CCSER1: variants seen among roughly 807,000 people sequenced by gnomAD.
CCSER1 encodes the protein serine-rich coiled-coil domain-containing protein 1.
Under a neutral mutation model 82.0 loss-of-function variants are expected in CCSER1, and 41 were observed. That is an observed-to-expected ratio of 0.50 (90% CI 0.39 to 0.65). The LOEUF (loss-of-function observed/expected upper bound fraction) is 0.65, where lower values mean the gene tolerates loss of function less well. Among genes scored for constraint, CCSER1 ranks in the 30% least tolerant of loss-of-function variants. The pLI is 0.00. For synonymous variants in CCSER1, 414 were observed against 383.9 expected (o/e 1.08, Z -0.92); for missense variants, 1,119 against 1,064.2 (o/e 1.05, Z -0.72).
intron 4 of CCSER1, among the ~76,000 whole-genome samples, chr4:90,458,259 G>C (rs10001531): frequency 0.019 from 2,940 of 152,038 alleles, 84 homozygotes; most frequent in African/African-American, 0.067. Flanking sequence ...GGAGTGCACC[G>C]CCCCAGCTAC....
intron 10 of CCSER1, among the ~76,000 whole-genome samples, chr4:91,275,249 C>T (rs533358848): frequency 6.6e-6 from 1 of 152,246 alleles, no homozygotes; most frequent in South Asian, 2.1e-4. Context: ...TACATTTCCA[C>T]CCACAATGTA....
At chr4:91,187,024 A>G (rs1734608015) in intron 10 of CCSER1, among the ~76,000 whole-genome samples, 1 of 152,200 alleles carries the variant, frequency 6.6e-6, no homozygotes, top group African/African-American at 2.4e-5. Flanking sequence ...CCTGCTCCCA[A>G]CAGGAGTGTC....
chr4:90,636,988 G>T (rs1198149413), intron 6 of CCSER1, among the ~76,000 whole-genome samples: 2 of 152,134 alleles, frequency 1.3e-5, no homozygotes, highest in East Asian at 3.8e-4. Context: ...TAGCATTGAA[G>T]AATATAAAGT....
chr4:91,370,358 A>T (rs965454075), intron 10 of CCSER1, among the ~76,000 whole-genome samples: 2 of 152,198 alleles, frequency 1.3e-5, no homozygotes, highest in African/African-American at 2.4e-5. Flanking sequence ...GAAATACAGG[A>T]ACCAAATCTC....
chr4:91,134,794 G>A lies in CCSER1; in HGVS notation c.2217+48800G>A, dbSNP rs542084161. 2.8e-4 allele frequency among the ~76,000 whole-genome samples: 43 copies of A among 152,242 alleles called. 1 individual carries two copies. In the South Asian group the frequency reaches 8.7e-3, roughly 31 times the overall value. On this transcript the variant is annotated intron_variant, in intron 10 of 10. Transcript: ENST00000509176. ...ATACTCCTCCTGGCCAGGCGCGGTG[G>A]CTCACGCCTGTAATCCCAGCACTTT...
rs1560592220 is a variant in CCSER1, at chr4:91,328,839, ACCACG to A, written c.2217+242846_2217+242850del. ...ATGATCCCCACATGTCAAGGATGGG[ACCACG>A]TAGAGATAGTTGAATCATGGTAGCA... On this transcript the variant is annotated intron_variant, in intron 10 of 10. Transcript: ENST00000509176. Among the ~76,000 whole-genome samples the A allele has an allele frequency of 5.3e-5, 8 of 152,116 alleles. No homozygotes were observed. The South Asian group carries it at 1.5e-3, about 28-fold the overall frequency.
intron 10 of CCSER1, among the ~76,000 whole-genome samples, chr4:91,336,796 T>C (rs1348039392): frequency 1.3e-5 from 2 of 152,118 alleles, no homozygotes; most frequent in East Asian, 1.9e-4. Context: ...TATAAAATTA[T>C]AGAAACATAA....
chr4:91,146,982 G>T (rs1280608790), intron 10 of CCSER1, among the ~76,000 whole-genome samples: 2 of 152,112 alleles, frequency 1.3e-5, no homozygotes, highest in African/African-American at 4.8e-5. Flanking sequence ...TCAATTACTG[G>T]CACTGTGCTT....
intron 10 of CCSER1, among the ~76,000 whole-genome samples, chr4:91,373,953 A>C (rs1750217321): frequency 6.6e-6 from 1 of 152,226 alleles, no homozygotes; most frequent in Non-Finnish European, 1.5e-5. Flanking sequence ...AATTAGCCAC[A>C]ACATTCTGTT....
intron 7 of CCSER1, chr4:90,780,810 T>A (rs1753667131): frequency 1.5e-5 from 16 of 1,083,048 alleles, no homozygotes; most frequent in Non-Finnish European, 1.8e-5. Context: ...ATGCGTGATC[T>A]TTTAGAGACC....
At chr4:90,289,831 T>C (rs1176735233) in intron 1 of CCSER1, among the ~76,000 whole-genome samples, 2 of 151,860 alleles carry the variant, frequency 1.3e-5, no homozygotes, top group Non-Finnish European at 1.5e-5. Context: ...CCTCAACTTC[T>C]TTAGTCCTTA....
At chr4:90,449,251 C>T (rs1340527546) in intron 4 of CCSER1, among the ~76,000 whole-genome samples, 1 of 152,214 alleles carries the variant, frequency 6.6e-6, no homozygotes, top group Non-Finnish European at 1.5e-5. Context: ...GCTGTCCCAA[C>T]ATTTCTTTGA....
At chr4:90,834,015 G>A (rs1761474064) in intron 8 of CCSER1, among the ~76,000 whole-genome samples, 1 of 152,082 alleles carries the variant, frequency 6.6e-6, no homozygotes, top group Non-Finnish European at 1.5e-5. Flanking sequence ...GGACTTTTCA[G>A]TCTCCAAGAC....
At chr4:90,883,896 C>T (rs569217308) in intron 8 of CCSER1, among the ~76,000 whole-genome samples, 14 of 152,168 alleles carry the variant, frequency 9.2e-5, no homozygotes, top group African/African-American at 3.1e-4. Context: ...AAGGGAAATG[C>T]ATTTAGAAAT....
At position 90,842,791 on chromosome 4, in the gene CCSER1, C is replaced by T. The variant is rs1762735929; in HGVS notation, c.2094+26946C>T. Among the ~76,000 whole-genome samples, 4 of 152,170 alleles carry T rather than the reference C, an allele frequency of 2.6e-5. No individual in the cohort carries two copies. In the South Asian group the frequency reaches 8.3e-4, roughly 32 times the overall value. ...GGGAGTGGGTCATTCAAAGAACCCT[C>T]ATGGTTAGAGTAACCGTATTCTGGT... On this transcript the variant is annotated intron_variant, in intron 8 of 10. Transcript: ENST00000509176.
intron 10 of CCSER1, among the ~76,000 whole-genome samples, chr4:91,194,365 TA>T (rs1255288692): frequency 1.3e-5 from 2 of 152,218 alleles, no homozygotes; most frequent in Non-Finnish European, 2.9e-5. Flanking sequence ...ACAGTCCTTA[TA>T]AAATTAAGGA....
At chr4:90,225,051 A>G (rs1466743276) in intron 1 of CCSER1, among the ~76,000 whole-genome samples, 5 of 151,354 alleles carry the variant, frequency 3.3e-5, no homozygotes. Flanking sequence ...TGAGTTTAAA[A>G]TGACTTCCTT....
intron 6 of CCSER1, among the ~76,000 whole-genome samples, chr4:90,640,283 A>G (rs1726247400): frequency 1.3e-5 from 2 of 152,098 alleles, no homozygotes; most frequent in Non-Finnish European, 2.9e-5. Flanking sequence ...TAATTCCTTT[A>G]TGGCATTGGT....
chr4:90,581,903 A>G (rs1781455757), intron 5 of CCSER1, among the ~76,000 whole-genome samples: 2 of 152,126 alleles, frequency 1.3e-5, no homozygotes, highest in South Asian at 4.1e-4. Context: ...TTTTTTCACA[A>G]GAGTGGTAGC....
Sources: allele counts gnomAD v4.1 joint callset (sites outside exome capture counted in the v4.1 genomes callset), GRCh38; gene constraint gnomAD v4.1.1; transcripts MANE v1.5; gene names NCBI Gene and HGNC (gene_info 2026-07-23, HGNC 2026-07-21).